The following KANK3 variants were observed in gnomAD, a reference collection of about 807,000 sequenced individuals.
KANK3 encodes the protein KN motif and ankyrin repeat domain-containing protein 3.
KANK3 carries 61 observed loss-of-function variants against 65.4 expected under a neutral mutation model. The observed-to-expected ratio is 0.93, with a 90% confidence interval of 0.76 to 1.15. KANK3 has a LOEUF of 1.15. Among genes scored for constraint, KANK3 ranks in the 50% most tolerant of loss-of-function variants. The pLI, the probability that KANK3 is intolerant of heterozygous loss-of-function variation, is 0.00. For missense variants in KANK3, 1,187 were observed against 1,178.8 expected (o/e 1.01, Z -0.10); for synonymous variants, 586 against 543.3 (o/e 1.08, Z -1.09).
chr19:8,331,938 G>T (rs1163273207), intron 7 of KANK3, among the ~76,000 whole-genome samples: 1 of 151,482 alleles, frequency 6.6e-6, no homozygotes. Context: ...AGTAGGAGGA[G>T]CCTCAGGGCA....
At chr19:8,330,068 T>C (rs1970497506) in intron 7 of KANK3, among the ~76,000 whole-genome samples, 1 of 151,962 alleles carries the variant, frequency 6.6e-6, no homozygotes, top group African/African-American at 2.4e-5. Flanking sequence ...AGGAGGGGCC[T>C]AGTCAGTGAC....
chr19:8,327,664 CAT>C (rs1970452992), intron 7 of KANK3, among the ~76,000 whole-genome samples: 1 of 152,062 alleles, frequency 6.6e-6, no homozygotes, highest in South Asian at 2.1e-4. Context: ...TGTGGTGGTT[CAT>C]GCCTGTGGTC....
chr19:8,330,329 T>C (rs944693138), intron 7 of KANK3, among the ~76,000 whole-genome samples: 11 of 152,160 alleles, frequency 7.2e-5, no homozygotes, highest in African/African-American at 2.4e-4. Context: ...GCACACTGGC[T>C]CACGCCTATA....
In KANK3 at chr19:8,335,458, C is replaced by A; in HGVS notation, c.369G>T (p.Ala123=). The A allele has an allele frequency of 8.1e-7, 1 of 1,228,826 alleles. No individual in the cohort carries two copies. Among genetic ancestry groups the A allele is most frequent in the African/African-American group, 1.6e-5 (1 of 63,698 alleles). 76.1% of individuals were successfully genotyped at this position (1,228,826 alleles called of 1,614,324 possible). A position where few individuals can be genotyped will look rare whatever the true frequency, so the allele number is the denominator to read the frequency against. Residue 123 remains alanine (A), a synonymous_variant, in exon 3 of 11, where the codon GCG becomes GCT. Transcript: ENST00000330915. ...GCTCGACGCGCGGGTTGCGCACGGGCGCGCGCGGCGACAGCGGCTGCATCA... is the reference window on the plus strand; with the variant it reads ...GCTCGACGCGCGGGTTGCGCACGGGAGCGCGCGGCGACAGCGGCTGCATCA... The part of the protein sequence containing the change: ...GLLMQPLSPR[A]PVRNPRVEHT...
intron 7 of KANK3, among the ~76,000 whole-genome samples, chr19:8,329,888 G>T (rs1002266238): frequency 6.6e-6 from 1 of 152,200 alleles, no homozygotes; most frequent in African/African-American, 2.4e-5. Context: ...CAGGCAGGTA[G>T]GAAAAGCACA....
intron 7 of KANK3, among the ~76,000 whole-genome samples, chr19:8,325,485 C>G (rs1970411893): frequency 6.6e-6 from 1 of 151,534 alleles, no homozygotes; most frequent in Admixed American, 6.6e-5. Flanking sequence ...GTTGGCCAGG[C>G]TAGTCTCGAA....
chr19:8,338,114 C>T (rs562441212), intron 1 of KANK3: 98 of 335,416 alleles, frequency 2.9e-4, no homozygotes, highest in African/African-American at 1.7e-3. Flanking sequence ...CTCCCCCTCC[C>T]GGGTTCAAGT....
chr19:8,336,220 G>A (rs1970635021), intron 2 of KANK3, among the ~76,000 whole-genome samples: 1 of 152,172 alleles, frequency 6.6e-6, no homozygotes, highest in African/African-American at 2.4e-5. Flanking sequence ...CGGATCACCT[G>A]AGGTCAGGAG....
At position 8,335,665 on chromosome 19, in the gene KANK3, C is replaced by G; in HGVS notation, c.162G>C (p.Glu54Asp). The G allele has an allele frequency of 2.4e-6, 3 of 1,254,262 alleles. No homozygotes were observed. Among genetic ancestry groups the G allele is most frequent in the Non-Finnish European group, 3.0e-6 (3 of 996,300 alleles). 77.7% of individuals were successfully genotyped at this position (1,254,262 alleles called of 1,614,324 possible). Reference protein sequence around the residue: ...LDLDFLKYIEELERGPAARRA... With the variant: ...LDLDFLKYIEDLERGPAARRA... ...GGCGGGCAGCGGGGCCACGCTCCAG[C>G]TCCTCTATGTACTTGAGGAAGTCCA... Residue 54 changes from glutamate to aspartate, a missense_variant, in exon 3 of 11, where the codon GAG becomes GAC. Around this residue, in one of 3 missense-constraint regions of KANK3, gnomAD observed 104 missense variants for 122.1 expected, o/e 0.85. Transcript: ENST00000330915.
intron 1 of KANK3, 127 bp from the exon 2 acceptor site, chr19:8,337,983 G>C: frequency 6.9e-7 from 1 of 1,442,496 alleles, no homozygotes; most frequent in Non-Finnish European, 9.1e-7. Context: ...TCCACACATG[G>C]CCTCTCCTTC....
chr19:8,337,894 T>C, intron 1 of KANK3, 38 bp from the exon 2 acceptor site: 2 of 1,609,998 alleles, frequency 1.2e-6, no homozygotes, highest in South Asian at 2.2e-5. Flanking sequence ...GCGCTGTCCC[T>C]CTGGCTGGAG....
Position 8,332,902 on chromosome 19 carries a change from G to A in KANK3, c.1936+112C>T, listed in dbSNP as rs1220464921. The A allele has an allele frequency of 4.0e-6, 3 of 750,010 alleles. No individual in the cohort carries two copies. The East Asian group carries it at 8.1e-5, about 20-fold the overall frequency. The allele number at this position is 750,010 out of a possible 1,614,324, so 46.5% of individuals were successfully genotyped here. A position where few individuals can be genotyped will look rare whatever the true frequency, so the allele number is the denominator to read the frequency against. ...AACTCAAGGAGGAGTGGTGCCCTGT[G>A]CTGGACAGCCATTCTCTGCTTTCCT... On this transcript the variant is annotated intron_variant, in intron 7 of 10. Coordinates refer to ENST00000330915, the MANE Select transcript of KANK3 (RefSeq NM_198471.3).
intron 7 of KANK3, 82 bp downstream of exon 7, chr19:8,332,932 A>C: frequency 8.6e-7 from 1 of 1,161,762 alleles, no homozygotes; most frequent in African/African-American, 1.5e-5. Flanking sequence ...TTTCCTCTCC[A>C]GAGTCTTTGA....
At chr19:8,325,713 G>A (rs1181190498) in intron 7 of KANK3, among the ~76,000 whole-genome samples, 2 of 152,126 alleles carry the variant, frequency 1.3e-5, no homozygotes, top group Non-Finnish European at 2.9e-5. Flanking sequence ...AAAAGGATAT[G>A]TTTATTTTCA....
At chr19:8,343,099 G>C (rs1367401310) in intron 1 of KANK3, 126 bp downstream of exon 1, 2 of 152,268 alleles carry the variant, frequency 1.3e-5, no homozygotes, top group Admixed American at 6.5e-5. Flanking sequence ...CACGACGCCC[G>C]CCCCGTCGCA....
rs1568577014 is a variant in KANK3 at position 8,335,202 on chromosome 19, C to T, written c.625G>A (p.Glu209Lys). Residue 209 changes from glutamate to lysine, a missense_variant, in exon 3 of 11, where the codon GAG (glutamate) becomes AAG (lysine). Around this residue, in one of 3 missense-constraint regions of KANK3, gnomAD observed 1,078 missense variants for 1,038.2 expected, o/e 1.04. Coordinates refer to ENST00000330915, the MANE Select transcript of KANK3 (RefSeq NM_198471.3). Reference protein sequence around the residue: ...ELEDQARTLPELQEQVRALRA... With the variant: ...ELEDQARTLPKLQEQVRALRA... The stretch of plus-strand genomic sequence containing the variant: ...AGCGCGCGCACCTGCTCCTGCAGCT[C>T]GGGCAGCGTTCGCGCCTGGTCCTCG... 1 of 1,219,266 alleles carries T rather than the reference C, an allele frequency of 8.2e-7. No individual in the cohort carries two copies. Among genetic ancestry groups the T allele is most frequent in the African/African-American group, 1.6e-5 (1 of 62,878 alleles). The allele number at this position is 1,219,266 out of a possible 1,614,324, so 75.5% of individuals were successfully genotyped here. A position where few individuals can be genotyped will look rare whatever the true frequency, so the allele number is the denominator to read the frequency against.
Position 8,339,361 on chromosome 19 carries a change from G to GTTTTT in KANK3, c.-28-1510_-28-1506dup, listed in dbSNP as rs71175840. On this transcript the variant is annotated intron_variant, in intron 1 of 10. Transcript: ENST00000330915. Reference sequence around the variant, plus strand: ...ACATAGCGAGACCCTATCTCTTTTTGTTTTTTTTTTTTTTTGAGACAGAAT... The same window carrying GTTTTT: ...ACATAGCGAGACCCTATCTCTTTTTGTTTTTTTTTTTTTTTTTTTTGAGACAGAAT... 7.2e-5 allele frequency among the ~76,000 whole-genome samples: 10 copies of GTTTTT among 138,952 alleles called. 1 individual carries two copies. The highest frequency in any genetic ancestry group is 2.7e-4 in the African/African-American group (10 of 37,248). 91.2% of individuals were successfully genotyped at this position (138,952 alleles called of 152,430 possible). A position where few individuals can be genotyped will look rare whatever the true frequency, so the allele number is the denominator to read the frequency against.
chr19:8,332,987 T>TTTGGGGGC, intron 7 of KANK3, 27 bp downstream of exon 7: 1 of 395,198 alleles, frequency 2.5e-6, no homozygotes, highest in Non-Finnish European at 4.8e-6. Context: ...TTTCCTGGTG[T>TTTGGGGGC]CCCACCCACC....
chr19:8,333,679 A>G lies in KANK3; in HGVS notation c.1719+45T>C. On this transcript the variant is annotated intron_variant, in intron 6 of 10. Transcript: ENST00000330915. This position sits in a 1 kb window ranked among gnomAD's most constrained non-coding sequence, Gnocchi z 5.0. ...CTAAGTGGGCGTCAGAGGTCCTTGGAGGCTCCCACGCCACTCCCTGGTGCT... is the reference window on the plus strand; with the variant it reads ...CTAAGTGGGCGTCAGAGGTCCTTGGGGGCTCCCACGCCACTCCCTGGTGCT... The G allele has an allele frequency of 7.2e-7, 1 of 1,398,076 alleles. No homozygotes were observed. Among genetic ancestry groups the G allele is most frequent in the Non-Finnish European group, 9.4e-7 (1 of 1,068,008 alleles). The allele number at this position is 1,398,076 out of a possible 1,614,324, so 86.6% of individuals were successfully genotyped here. A position where few individuals can be genotyped will look rare whatever the true frequency, so the allele number is the denominator to read the frequency against.
Sources: allele counts gnomAD v4.1 joint callset (sites outside exome capture counted in the v4.1 genomes callset), GRCh38; gene constraint gnomAD v4.1.1; regional missense constraint gnomAD v4.1.1; non-coding constraint Gnocchi (gnomAD v3.1); transcripts MANE v1.5; gene names NCBI Gene and HGNC (gene_info 2026-07-23, HGNC 2026-07-21).